ASTN2: variants seen among roughly 807,000 people sequenced by gnomAD.
ASTN2 encodes the protein astrotactin 2.
ASTN2 carries 54 observed loss-of-function variants against 139.8 expected under a neutral mutation model. That is an observed-to-expected ratio of 0.39 (90% CI 0.31 to 0.48). The LOEUF is 0.48. ASTN2 is among the 20% of genes least tolerant of loss of function. The pLI, the probability that ASTN2 is intolerant of heterozygous loss-of-function variation, is 0.95. For missense variants in ASTN2, 1,565 were observed against 1,725.1 expected, an observed-to-expected ratio of 0.91 and a Z score of 1.64; for synonymous variants, 756 against 719.5, an observed-to-expected ratio of 1.05 and a Z score of -0.81.
chr9:116,537,815 A>G (rs922985104), intron 19 of ASTN2, among the ~76,000 whole-genome samples: 1 of 152,238 alleles, frequency 6.6e-6, no homozygotes, highest in Non-Finnish European at 1.5e-5. Flanking sequence ...GAGTAATGGT[A>G]GTGATTCAAA....
At chr9:117,406,895 C>T (rs1831010977) in intron 1 of ASTN2, among the ~76,000 whole-genome samples, 2 of 132,004 alleles carry the variant, frequency 1.5e-5, no homozygotes, top group South Asian at 4.7e-4. Context: ...CACACACACA[C>T]ACACAACACA....
intron 1 of ASTN2, among the ~76,000 whole-genome samples, chr9:117,411,988 A>ACCCC (rs1831175149): frequency 9.4e-5 from 2 of 21,264 alleles, no homozygotes; most frequent in African/African-American, 3.8e-4. Flanking sequence ...CACCCCTACC[A>ACCCC]CCACCCCCAC....
chr9:117,114,251 T>A (rs1213346638), intron 4 of ASTN2, among the ~76,000 whole-genome samples: 1 of 152,038 alleles, frequency 6.6e-6, no homozygotes, highest in Admixed American at 6.5e-5. Flanking sequence ...GACTAAGATG[T>A]GTGTTTTAGT....
At position 116,663,650 on chromosome 9, in the gene ASTN2, T is replaced by C. The variant is rs147116313; in HGVS notation, c.2807-11857A>G. Among the ~76,000 whole-genome samples, 33 of 152,226 alleles carry C rather than the reference T, an allele frequency of 2.2e-4. 1 individual carries two copies. The highest frequency in any genetic ancestry group is 4.6e-4 in the Admixed American group (7 of 15,282). ...ATCAATGAGCCCACTCAACAAAATA[T>C]AAAAGGGCTGAAACTCATAGAGATT... On this transcript the variant is annotated intron_variant, in intron 16 of 22. Transcript: ENST00000313400.
intron 10 of ASTN2, among the ~76,000 whole-genome samples, chr9:116,952,196 C>T (rs922171346): frequency 6.6e-6 from 1 of 152,210 alleles, no homozygotes; most frequent in Admixed American, 6.5e-5. Context: ...CCAACCACCA[C>T]CACGACTTTA....
intron 4 of ASTN2, among the ~76,000 whole-genome samples, chr9:117,134,291 TATATACACACACACACACACACAC>T (rs1829897824): frequency 1.9e-5 from 1 of 53,638 alleles, no homozygotes; most frequent in African/African-American, 5.7e-5. Context: ...TATATATATA[TATATACACACACACACACACACAC>T]ACACACACAC....
At chr9:116,668,491 C>A (rs368397881) in intron 16 of ASTN2, among the ~76,000 whole-genome samples, 2 of 152,156 alleles carry the variant, frequency 1.3e-5, no homozygotes, top group Non-Finnish European at 2.9e-5. Context: ...CATGCCCGGC[C>A]GCCTTCTTTT....
At chr9:117,164,330 C>G (rs901399049) in intron 3 of ASTN2, among the ~76,000 whole-genome samples, 1 of 152,014 alleles carries the variant, frequency 6.6e-6, no homozygotes, top group Non-Finnish European at 1.5e-5. Flanking sequence ...GCTGAAGAAC[C>G]CTTTGGCCCT....
intron 13 of ASTN2, among the ~76,000 whole-genome samples, chr9:116,745,042 G>A (rs1357725993): frequency 6.6e-6 from 1 of 152,178 alleles, no homozygotes; most frequent in Non-Finnish European, 1.5e-5. Flanking sequence ...GACCATGGCT[G>A]CAAAGTTGCT....
intron 19 of ASTN2, among the ~76,000 whole-genome samples, chr9:116,526,044 C>T (rs946796613): frequency 3.3e-5 from 5 of 152,228 alleles, no homozygotes; most frequent in African/African-American, 7.2e-5. Context: ...TTCTAAGGTC[C>T]GGCTCAAGTG....
At chr9:117,064,859 C>CTAGA (rs1827885330) in intron 5 of ASTN2, among the ~76,000 whole-genome samples, 3 of 152,042 alleles carry the variant, frequency 2.0e-5, no homozygotes, top group Admixed American at 2.0e-4. Context: ...CTGGCCCCAC[C>CTAGA]TAGATGCTTT....
intron 11 of ASTN2, among the ~76,000 whole-genome samples, chr9:116,832,499 G>C (rs1831844153): frequency 6.6e-6 from 1 of 151,746 alleles, no homozygotes; most frequent in Admixed American, 6.6e-5. Context: ...CTCTTTTATT[G>C]ATGTTCTTCG....
chr9:116,907,169 G>A (rs1343217351), intron 10 of ASTN2, among the ~76,000 whole-genome samples: 2 of 152,182 alleles, frequency 1.3e-5, no homozygotes, highest in Non-Finnish European at 2.9e-5. Flanking sequence ...GTGAAACGTG[G>A]AGTAGGACCC....
chr9:117,282,102 T>C (rs1473306908), intron 2 of ASTN2, among the ~76,000 whole-genome samples: 2 of 152,200 alleles, frequency 1.3e-5, no homozygotes, highest in East Asian at 3.9e-4. Flanking sequence ...GCTAAATCCC[T>C]TTCTGTCTGT....
chr9:116,836,605 T>C (rs1189980647), intron 11 of ASTN2, among the ~76,000 whole-genome samples: 8 of 147,154 alleles, frequency 5.4e-5, no homozygotes, highest in African/African-American at 2.1e-4. Flanking sequence ...TGTTTTGTTT[T>C]GTTTTCCTTC....
chr9:116,946,750 G>T lies in ASTN2; in HGVS notation c.1889+28458C>A, dbSNP rs145567694. On this transcript the variant is annotated intron_variant, in intron 10 of 22. Coordinates refer to ENST00000313400, the MANE Select transcript of ASTN2 (RefSeq NM_001365068.1). ...AATCTTGGGGGCTTGAGGTGGGAAG[G>T]ATGCAGGGCAGGAAAAGGGTGGGGA... 1.0e-3 allele frequency among the ~76,000 whole-genome samples: 152 copies of T among 152,136 alleles called. 1 individual carries two copies. Among genetic ancestry groups the T allele is most frequent in the Non-Finnish European group, 1.9e-3 (130 of 68,008 alleles).
At chr9:116,448,743 T>C (rs2118910279) in intron 20 of ASTN2, among the ~76,000 whole-genome samples, 1 of 152,332 alleles carries the variant, frequency 6.6e-6, no homozygotes, top group Admixed American at 6.5e-5. Flanking sequence ...GAAATCAGAA[T>C]GCAATCTCCC....
At chr9:117,166,088 A>C (rs1185340342) in intron 3 of ASTN2, among the ~76,000 whole-genome samples, 1 of 152,096 alleles carries the variant, frequency 6.6e-6, no homozygotes, top group Non-Finnish European at 1.5e-5. Context: ...AACTTAGTTA[A>C]CTGGTTTTAT....
intron 2 of ASTN2, among the ~76,000 whole-genome samples, chr9:117,219,191 C>G (rs9299248): frequency 0.013 from 1,953 of 152,288 alleles, 55 homozygotes; most frequent in African/African-American, 0.045. Flanking sequence ...CTGTGTCCAC[C>G]TGCACTGGTC....
Sources: gnomAD v4.1 joint callset for allele counts (sites outside exome capture counted in the v4.1 genomes callset) on GRCh38, gnomAD v4.1.1 for gene constraint, MANE v1.5 for transcripts, NCBI Gene and HGNC (gene_info 2026-07-23, HGNC 2026-07-21) for gene names.